Variants in TM9SF4 observed in about 807,000 individuals in gnomAD.
TM9SF4 encodes the protein dinucleotide oxidase disulfide thiol exchanger 3 superfamily member 4.
A neutral mutation model predicts 90.4 loss-of-function variants in TM9SF4; 26 were observed. The ratio of observed to expected loss-of-function variants is 0.29; its 90% CI spans 0.21 to 0.40. The LOEUF (loss-of-function observed/expected upper bound fraction) is 0.40, where lower values mean the gene tolerates loss of function less well. TM9SF4 is among the 10% of genes least tolerant of loss of function. The pLI is 1.00. For missense variants in TM9SF4, 549 were observed against 834.8 expected (o/e 0.66, Z 4.22); for synonymous variants, 293 against 315.4 (o/e 0.93, Z 0.75).
At chr20:32,117,480 A>G (rs2046243640) in intron 1 of TM9SF4, among the ~76,000 whole-genome samples, 1 of 152,196 alleles carries the variant, frequency 6.6e-6, no homozygotes, top group Non-Finnish European at 1.5e-5. Context: ...TTTCGTTCTC[A>G]GGGAAACTTC....
chr20:32,166,864 A>G lies in TM9SF4; in HGVS notation c.*1420A>G, dbSNP rs114684503. 650 of 152,280 alleles carry G rather than the reference A, an allele frequency of 4.3e-3. 5 individuals carry two copies. Among genetic ancestry groups the G allele is most frequent in the African/African-American group, 0.014 (579 of 41,532 alleles). 9.4% of individuals were successfully genotyped at this position (152,280 alleles called of 1,614,324 possible). A position where few individuals can be genotyped will look rare whatever the true frequency, so the allele number is the denominator to read the frequency against. ...CTCCCAACACAAGACAAAGCTCAGGATGCTGGTGATGCTAGGAAGATGTCC... is the reference window on the plus strand; with the variant it reads ...CTCCCAACACAAGACAAAGCTCAGGGTGCTGGTGATGCTAGGAAGATGTCC... On this transcript the variant is annotated 3_prime_UTR_variant, in exon 18 of 18. Transcript: ENST00000398022.
chr20:32,129,581 C>T lies in TM9SF4; in HGVS notation c.16-3432C>T, dbSNP rs147993064. Among the ~76,000 whole-genome samples the T allele has an allele frequency of 2.6e-3, 386 of 150,890 alleles. 3 individuals are homozygous for T. The highest frequency in any genetic ancestry group is 2.6e-3 in the Non-Finnish European group (174 of 67,810). On this transcript the variant is annotated intron_variant, in intron 1 of 17. Coordinates refer to ENST00000398022, the MANE Select transcript of TM9SF4 (RefSeq NM_014742.4). ...CATTCCATTAACATTTGACATTTTACTATTGTAAGTAGTGAATTTTTTTTT... is the reference window on the plus strand; with the variant it reads ...CATTCCATTAACATTTGACATTTTATTATTGTAAGTAGTGAATTTTTTTTT...
chr20:32,127,746 G>GA (rs2046444715), intron 1 of TM9SF4, among the ~76,000 whole-genome samples: 1 of 152,216 alleles, frequency 6.6e-6, no homozygotes, highest in Non-Finnish European at 1.5e-5. Flanking sequence ...GAGCTTCGCA[G>GA]AGAGCCCTTG....
At chr20:32,129,617 G>A (rs902309877) in intron 1 of TM9SF4, among the ~76,000 whole-genome samples, 1 of 75,512 alleles carries the variant, frequency 1.3e-5, no homozygotes, top group Admixed American at 1.4e-4. Context: ...TTTTTTTTTT[G>A]AAATAGAGTC....
chr20:32,141,216 CAAAAAAAAAAA>C (rs71185383), intron 3 of TM9SF4, among the ~76,000 whole-genome samples: 109 of 26,044 alleles, frequency 4.2e-3, no homozygotes, highest in Middle Eastern at 0.021. Context: ...GACTCCATCT[CAAAAAAAAAAA>C]AAAAAAAAAA....
Position 32,141,835 on chromosome 20 carries a change from G to T in TM9SF4, c.468G>T (p.Lys156Asn). The T allele has an allele frequency of 6.2e-7, 1 of 1,614,126 alleles. No homozygotes were observed. The highest frequency in any genetic ancestry group is 8.5e-7 in the Non-Finnish European group (1 of 1,180,032). ...CCAACCGAGACAGCGATGACAAGAA[G>T]AAGGAAAAAGATGTGCAGTTTGAAC... ...LYSNRDSDDK[K>N]KEKDVQFEHG... The change falls in exon 5 of 18, where the codon AAG becomes AAT. Residue 156 changes from lysine (K) to asparagine (N), a missense_variant. Transcript: ENST00000398022.
At chr20:32,111,499 A>G (rs1178479969) in intron 1 of TM9SF4, among the ~76,000 whole-genome samples, 1 of 151,958 alleles carries the variant, frequency 6.6e-6, no homozygotes, top group African/African-American at 2.4e-5. Context: ...CTAGGGATGT[A>G]GTTGTGAATT....
chr20:32,145,071 T>G lies in TM9SF4; in HGVS notation c.653-20T>G, dbSNP rs761367609. The G allele has an allele frequency of 2.5e-6, 4 of 1,611,704 alleles. No individual in the cohort carries two copies. In the African/African-American group the frequency reaches 5.3e-5, roughly 22 times the overall value. On this transcript the variant is annotated intron_variant, in intron 6 of 17. Coordinates refer to ENST00000398022, the MANE Select transcript of TM9SF4 (RefSeq NM_014742.4). ...GGCACTGGCCACCACAGGAACAGAC[T>G]GAGTCTGTGTCTCTCTCAGACCTCA...
chr20:32,122,515 C>T (rs866438222), intron 1 of TM9SF4, among the ~76,000 whole-genome samples: 1 of 151,866 alleles, frequency 6.6e-6, no homozygotes, highest in African/African-American at 2.4e-5. Context: ...AGACGCTCCT[C>T]ACCTCCCAGA....
intron 1 of TM9SF4, among the ~76,000 whole-genome samples, chr20:32,126,749 TC>T (rs34581875): frequency 0.4 from 54,671 of 138,380 alleles, 10,750 homozygotes; most frequent in East Asian, 0.72. Context: ...TTTTTTTTTT[TC>T]CTGAGACGAA....
At chr20:32,145,771 C>G (rs2046754742) in intron 8 of TM9SF4, among the ~76,000 whole-genome samples, 1 of 152,132 alleles carries the variant, frequency 6.6e-6, no homozygotes, top group Non-Finnish European at 1.5e-5. Flanking sequence ...TCCCATAGAG[C>G]CTATATTCTA....
intron 12 of TM9SF4, among the ~76,000 whole-genome samples, chr20:32,151,626 G>A (rs1028514231): frequency 2.0e-5 from 3 of 152,158 alleles, no homozygotes; most frequent in African/African-American, 4.8e-5. Flanking sequence ...AGTTGTGACC[G>A]TGACTATTTT....
intron 1 of TM9SF4, among the ~76,000 whole-genome samples, chr20:32,111,640 TA>T (rs908243944): frequency 2.6e-5 from 4 of 152,264 alleles, no homozygotes; most frequent in East Asian, 1.9e-4. Context: ...TGATAGTGAT[TA>T]GGGGTGACTG....
Position 32,145,191 on chromosome 20 carries a change from C to G in TM9SF4, c.753C>G (p.Thr251=), listed in dbSNP as rs778882562. Residue 251 remains threonine (T), a synonymous_variant, in exon 7 of 18, where the codon ACC becomes ACG. Coordinates refer to ENST00000398022, the MANE Select transcript of TM9SF4 (RefSeq NM_014742.4). Reference sequence around the variant, plus strand: ...CCAAGGAGAATCAGCTGTACTTCACCTACTCTGTCCACTGGGAGGTGAGAA... The same window carrying G: ...CCAAGGAGAATCAGCTGTACTTCACGTACTCTGTCCACTGGGAGGTGAGAA... ...DPTKENQLYF[T]YSVHWEESDI... is the part of the protein sequence containing the mutation. 13 of 1,614,220 alleles carry G rather than the reference C, an allele frequency of 8.1e-6. No individual in the cohort carries two copies. The South Asian group carries it at 1.2e-4, about 15-fold the overall frequency.
intron 1 of TM9SF4, among the ~76,000 whole-genome samples, chr20:32,124,768 G>T (rs1370822988): frequency 6.6e-6 from 1 of 151,984 alleles, no homozygotes; most frequent in Non-Finnish European, 1.5e-5. Flanking sequence ...TGTATTTTTA[G>T]TAGAGACAGG....
intron 12 of TM9SF4, among the ~76,000 whole-genome samples, chr20:32,153,392 G>A (rs543442845): frequency 9.2e-5 from 14 of 152,330 alleles, no homozygotes; most frequent in African/African-American, 3.4e-4. Context: ...TCGTCATTGT[G>A]GTTAGTGACC....
chr20:32,113,117 A>T (rs548806510), intron 1 of TM9SF4, among the ~76,000 whole-genome samples: 113 of 152,298 alleles, frequency 7.4e-4, no homozygotes, highest in African/African-American at 2.7e-3. Flanking sequence ...CATACAGCCA[A>T]AGAGGAACTG....
At chr20:32,140,998 A>T (rs778616953) in intron 3 of TM9SF4, among the ~76,000 whole-genome samples, 2 of 152,028 alleles carry the variant, frequency 1.3e-5, no homozygotes, top group South Asian at 4.1e-4. Flanking sequence ...TGGGCAGATC[A>T]TGAGGTCAGG....
At chr20:32,141,424 GTC>G (rs1467352553) in intron 3 of TM9SF4, 71 bp from the exon 4 acceptor site, 5 of 1,569,248 alleles carry the variant, frequency 3.2e-6, no homozygotes, top group Non-Finnish European at 4.3e-6. Flanking sequence ...GCAGTCCTGT[GTC>G]TCTGTGACTC....
Sources: gnomAD v4.1 joint callset for allele counts (sites outside exome capture counted in the v4.1 genomes callset) on GRCh38, gnomAD v4.1.1 for gene constraint, MANE v1.5 for transcripts, NCBI Gene and HGNC (gene_info 2026-07-23, HGNC 2026-07-21) for gene names.